The following PRKN variants were observed in gnomAD, a reference collection of about 807,000 sequenced individuals.
PRKN encodes the protein parkin RBR E3 ubiquitin protein ligase.
PRKN carries 56 observed loss-of-function variants against 59.5 expected under a neutral mutation model. The observed-to-expected ratio is 0.94, with a 90% CI of 0.76 to 1.18. The LOEUF is 1.18. Among genes scored for constraint, PRKN ranks in the 50% most tolerant of loss-of-function variants. PRKN has a pLI of 0.00. For synonymous variants in PRKN, 250 were observed against 222.1 expected (o/e 1.13, Z -1.12); for missense variants, 657 against 596.4 (o/e 1.10, Z -1.06).
Position 161,576,843 on chromosome 6 carries a change from A to G in PRKN, c.872-7427T>C, listed in dbSNP as rs892908624. Reference sequence around the variant, plus strand: ...AATTGAGTTAATATGAGTTAGCTAGAGTGAAATGTATCAAAACAGGTAAAT... The same window carrying G: ...AATTGAGTTAATATGAGTTAGCTAGGGTGAAATGTATCAAAACAGGTAAAT... On this transcript the variant is annotated intron_variant, in intron 7 of 11. Transcript: ENST00000366898. This position sits in a 1 kb window ranked among gnomAD's most constrained non-coding sequence, Gnocchi z 4.6. 2.0e-5 allele frequency among the ~76,000 whole-genome samples: 3 copies of G among 152,254 alleles called. No individual in the cohort carries two copies. Among genetic ancestry groups the G allele is most frequent in the Non-Finnish European group, 4.4e-5 (3 of 68,044 alleles).
chr6:161,618,549 C>T (rs1270254793), intron 7 of PRKN, among the ~76,000 whole-genome samples: 1 of 152,024 alleles, frequency 6.6e-6, no homozygotes, highest in East Asian at 1.9e-4. Flanking sequence ...TATGCCCAAA[C>T]CTACCTACAA....
chr6:161,589,080 T>C (rs2128140214), intron 7 of PRKN, among the ~76,000 whole-genome samples: 1 of 152,344 alleles, frequency 6.6e-6, no homozygotes, highest in African/African-American at 2.4e-5. Flanking sequence ...ATAGTATATT[T>C]CCTAGAAACA....
In PRKN at chr6:162,482,951, T is replaced by C. The variant is rs955170804; in HGVS notation, c.8-39478A>G. On this transcript the variant is annotated intron_variant, in intron 1 of 11. Coordinates refer to ENST00000366898, the MANE Select transcript of PRKN (RefSeq NM_004562.3). ...GATTCCATTGTTGGACAGCTAGCTC[T>C]ATTTGTTACAGCCCAACTTTTGACG... is the stretch of plus-strand genomic sequence containing the variant. 2.9e-4 allele frequency among the ~76,000 whole-genome samples: 44 copies of C among 152,188 alleles called. No individual in the cohort carries two copies. In the East Asian group the frequency reaches 4.6e-3, roughly 16 times the overall value.
At chr6:161,737,170 A>G (rs193105656) in intron 7 of PRKN, among the ~76,000 whole-genome samples, 1 of 152,184 alleles carries the variant, frequency 6.6e-6, no homozygotes, top group Non-Finnish European at 1.5e-5. Flanking sequence ...CAGGAAGAGG[A>G]GGGGCTGACG....
chr6:162,546,096 T>C (rs1181890987), intron 1 of PRKN, among the ~76,000 whole-genome samples: 3 of 146,156 alleles, frequency 2.1e-5, no homozygotes, highest in Non-Finnish European at 4.5e-5. Context: ...TAAAAGTGTA[T>C]GCAGTTTTTT....
chr6:162,670,682 C>T (rs1363338219), intron 1 of PRKN, among the ~76,000 whole-genome samples: 8 of 152,136 alleles, frequency 5.3e-5, no homozygotes, highest in Non-Finnish European at 2.9e-5. Context: ...CCTGCTTCAA[C>T]AATGTGGGTT....
chr6:162,645,932 T>C (rs945297169), intron 1 of PRKN, among the ~76,000 whole-genome samples: 38 of 144,800 alleles, frequency 2.6e-4, no homozygotes, highest in African/African-American at 9.8e-4. Context: ...TGGAGTGCAG[T>C]GGCAAGATCT....
chr6:162,627,613 T>C (rs2803118), intron 1 of PRKN, among the ~76,000 whole-genome samples: 1 of 151,820 alleles, frequency 6.6e-6, no homozygotes, highest in African/African-American at 2.4e-5. Context: ...TGAGAGATGA[T>C]GAAGGGTAAA....
intron 4 of PRKN, among the ~76,000 whole-genome samples, chr6:162,119,983 T>G (rs184644788): frequency 6.6e-6 from 1 of 152,292 alleles, no homozygotes; most frequent in Admixed American, 6.5e-5. Context: ...TTTTAGTTCT[T>G]CAGGCCAAAA....
chr6:162,268,257 T>C (rs756930779), intron 2 of PRKN, among the ~76,000 whole-genome samples: 1 of 152,080 alleles, frequency 6.6e-6, no homozygotes, highest in Non-Finnish European at 1.5e-5. Flanking sequence ...CATGAAGAGG[T>C]GGAGCCTCTA....
chr6:162,525,672 T>C (rs2128194759), intron 1 of PRKN, among the ~76,000 whole-genome samples: 1 of 152,268 alleles, frequency 6.6e-6, no homozygotes, highest in East Asian at 1.9e-4. Flanking sequence ...TTTTGGCCAA[T>C]TTTGTTCACT....
intron 3 of PRKN, among the ~76,000 whole-genome samples, chr6:162,251,373 C>T (rs1779426314): frequency 6.6e-6 from 1 of 152,048 alleles, no homozygotes; most frequent in African/African-American, 2.4e-5. Context: ...CAGGCCTCAA[C>T]CATTATGGAA....
intron 6 of PRKN, among the ~76,000 whole-genome samples, chr6:161,872,162 T>A (rs944662054): frequency 1.3e-5 from 2 of 151,992 alleles, no homozygotes; most frequent in Non-Finnish European, 2.9e-5. Context: ...GAAGGGTAAG[T>A]GCATGAGGAA....
At chr6:162,022,363 A>T (rs115978291) in intron 5 of PRKN, among the ~76,000 whole-genome samples, 1,920 of 152,254 alleles carry the variant, frequency 0.013, 36 homozygotes, top group African/African-American at 0.043. Flanking sequence ...ATTTTTTGAC[A>T]ATAGCCATTC....
chr6:162,419,469 A>T (rs1788838370), intron 2 of PRKN, among the ~76,000 whole-genome samples: 1 of 152,174 alleles, frequency 6.6e-6, no homozygotes, highest in South Asian at 2.1e-4. Flanking sequence ...ATGTACAAGA[A>T]TAAGACATTT....
chr6:161,509,137 T>C (rs6941476), intron 9 of PRKN, among the ~76,000 whole-genome samples: 12,306 of 152,116 alleles, frequency 0.081, 731 homozygotes, highest in African/African-American at 0.16. Context: ...AGCCACCATG[T>C]CTGGCCGGGT....
chr6:162,154,927 C>T (rs1383141451), intron 4 of PRKN, among the ~76,000 whole-genome samples: 1 of 144,656 alleles, frequency 6.9e-6, no homozygotes, highest in Non-Finnish European at 1.5e-5. Context: ...ATCAGGTTAC[C>T]AAAATGAAGG....
chr6:162,410,279 G>C (rs895269554), intron 2 of PRKN, among the ~76,000 whole-genome samples: 2 of 151,988 alleles, frequency 1.3e-5, no homozygotes, highest in Non-Finnish European at 2.9e-5. Flanking sequence ...TTGCCCCCAT[G>C]GGGGGAAGAG....
chr6:162,270,565 A>AT (rs1299279225), intron 2 of PRKN: 10 of 152,220 alleles, frequency 6.6e-5, no homozygotes, highest in Admixed American at 3.3e-4. Context: ...ATAACTTTAC[A>AT]TTTTAAAGAC....
Sources: allele counts gnomAD v4.1 joint callset (sites outside exome capture counted in the v4.1 genomes callset), GRCh38; gene constraint gnomAD v4.1.1; non-coding constraint Gnocchi (gnomAD v3.1); transcripts MANE v1.5; gene names NCBI Gene and HGNC (gene_info 2026-07-23, HGNC 2026-07-21).